The following SPRED2 variants were observed in gnomAD, a reference collection of about 807,000 sequenced individuals.
SPRED2 encodes sprouty-related, EVH1 domain-containing protein 2.
SPRED2 carries 47 observed loss-of-function variants against 43.0 expected under a neutral mutation model. That is an observed-to-expected ratio of 1.09 (90% CI 0.87 to 1.40). The LOEUF (loss-of-function observed/expected upper bound fraction) is 1.40. SPRED2 is among the 40% of genes most tolerant of loss of function. The pLI, the probability that SPRED2 is intolerant of heterozygous loss-of-function variation, is 0.00. For synonymous variants in SPRED2, 225 were observed against 225.7 expected, an observed-to-expected ratio of 1.00 and a Z score of 0.03; for missense variants, 561 against 586.4, an observed-to-expected ratio of 0.96 and a Z score of 0.45.
At chr2:65,420,564 T>C (rs1676399918) in intron 1 of SPRED2, among the ~76,000 whole-genome samples, 1 of 152,262 alleles carries the variant, frequency 6.6e-6, no homozygotes, top group Non-Finnish European at 1.5e-5. Context: ...TTTGGGTAAA[T>C]GGTTTAATAT....
chr2:65,432,288 G>T lies in SPRED2; in HGVS notation c.-301C>A. On this transcript the variant is annotated 5_prime_UTR_variant, in exon 1 of 6. Transcript: ENST00000356388. ...GGCGAGATTTGGGAAGGGGACGGCG[G>T]TGGGGGAGAGCAGGAGAAAAACAAG... is the stretch of plus-strand genomic sequence containing the variant. 2.4e-6 allele frequency: 1 copy of T among 420,944 alleles called. No homozygotes were observed. The highest frequency in any genetic ancestry group is 4.4e-6 in the Non-Finnish European group (1 of 228,184). The allele number at this position is 420,944 out of a possible 1,614,324, so 26.1% of individuals were successfully genotyped here. A position where few individuals can be genotyped will look rare whatever the true frequency, so the allele number is the denominator to read the frequency against.
In SPRED2 at chr2:65,314,046, C is replaced by T; in HGVS notation, c.712G>A (p.Gly238Ser). ...YEDYRHAPVR[G>S]KYPDPSEDAD... ...TCCTCCGAGGGGTCCGGGTACTTGCCCCTGACGGGTGCGTGCCGGTAATCC... is the reference window on the plus strand; with the variant it reads ...TCCTCCGAGGGGTCCGGGTACTTGCTCCTGACGGGTGCGTGCCGGTAATCC... Residue 238 changes from glycine (G) to serine (S), a missense_variant, in exon 6 of 6, where the codon GGC becomes AGC. Coordinates refer to ENST00000356388, the MANE Select transcript of SPRED2 (RefSeq NM_181784.3). 2 of 1,614,104 alleles carry T rather than the reference C, an allele frequency of 1.2e-6. No individual in the cohort carries two copies. The highest frequency in any genetic ancestry group is 1.7e-6 in the Non-Finnish European group (2 of 1,180,010).
chr2:65,329,834 A>T (rs1673754680), intron 4 of SPRED2, among the ~76,000 whole-genome samples: 1 of 152,194 alleles, frequency 6.6e-6, no homozygotes, highest in African/African-American at 2.4e-5. Context: ...TCGGAGCACT[A>T]TAGGAAGTCT....
At chr2:65,308,445 A>T, downstream of SPRED2, 1 of 985,476 alleles carries the variant, frequency 1.0e-6, no homozygotes, top group Non-Finnish European at 1.2e-6. Flanking sequence ...GATCAAATAG[A>T]AGTTAAGAAA....
chr2:65,418,074 C>A (rs1676329502), intron 1 of SPRED2, among the ~76,000 whole-genome samples: 1 of 152,192 alleles, frequency 6.6e-6, no homozygotes, highest in South Asian at 2.1e-4. Context: ...CTGCATTTAA[C>A]TAAAGTCAGA....
At chr2:65,328,330 T>C (rs977377012) in intron 4 of SPRED2, among the ~76,000 whole-genome samples, 26 of 152,216 alleles carry the variant, frequency 1.7e-4, no homozygotes, top group African/African-American at 6.3e-4. Flanking sequence ...GAATCTGGTA[T>C]ACTGACCATG....
At chr2:65,352,334 T>C (rs769785830) in intron 1 of SPRED2, among the ~76,000 whole-genome samples, 1 of 152,250 alleles carries the variant, frequency 6.6e-6, no homozygotes, top group Non-Finnish European at 1.5e-5. Context: ...AAAAGTGGGC[T>C]AAGATCACTT....
At chr2:65,395,728 G>A (rs1381566323) in intron 1 of SPRED2, among the ~76,000 whole-genome samples, 2 of 152,080 alleles carry the variant, frequency 1.3e-5, no homozygotes, top group African/African-American at 2.4e-5. Flanking sequence ...TAGGGGTATC[G>A]GGCACCTGGG....
intron 4 of SPRED2, among the ~76,000 whole-genome samples, chr2:65,330,502 T>C (rs145102997): frequency 3.7e-4 from 57 of 152,316 alleles, no homozygotes; most frequent in African/African-American, 1.3e-3. Context: ...AGTTTTAGTT[T>C]CACAGCAAAA....
Position 65,327,713 on chromosome 2 carries a change from C to CTTT in SPRED2, c.438+4271_438+4273dup, listed in dbSNP as rs555549300. Among the ~76,000 whole-genome samples the CTTT allele has an allele frequency of 4.0e-3, 300 of 74,338 alleles. 1 individual carries two copies. The highest frequency in any genetic ancestry group is 4.7e-3 in the African/African-American group (92 of 19,582). The allele number at this position is 74,338 out of a possible 152,430, so 48.8% of individuals were successfully genotyped here. A position where few individuals can be genotyped will look rare whatever the true frequency, so the allele number is the denominator to read the frequency against. On this transcript the variant is annotated intron_variant, in intron 4 of 5. Coordinates refer to ENST00000356388, the MANE Select transcript of SPRED2 (RefSeq NM_181784.3). ...ATCTTTGCTTTTCTTTTCTTTCTTT[C>CTTT]TTTTTTTTTTTTTTTTTTTTTTTTT...
intron 1 of SPRED2, among the ~76,000 whole-genome samples, chr2:65,377,028 T>C (rs6743445): frequency 0.1 from 15,446 of 152,228 alleles, 2,585 homozygotes; most frequent in African/African-American, 0.35. Flanking sequence ...TCTTTCCATA[T>C]TGAAACACAA....
chr2:65,372,346 G>C (rs189527739), intron 1 of SPRED2, among the ~76,000 whole-genome samples: 1 of 152,306 alleles, frequency 6.6e-6, no homozygotes, highest in African/African-American at 2.4e-5. Context: ...AATGCAGCAG[G>C]CCTGATGAGA....
At chr2:65,366,746 T>A in intron 1 of SPRED2, 1 of 1,473,812 alleles carries the variant, frequency 6.8e-7, no homozygotes, top group Middle Eastern at 1.8e-4. Flanking sequence ...TATGATTCAG[T>A]CTCCTTGACA....
chr2:65,317,787 A>G (rs1416597061), intron 4 of SPRED2, among the ~76,000 whole-genome samples: 1 of 152,038 alleles, frequency 6.6e-6, no homozygotes, highest in African/African-American at 2.4e-5. Flanking sequence ...TGGGAGCAAG[A>G]CTTGGAGGTC....
intron 1 of SPRED2, among the ~76,000 whole-genome samples, chr2:65,423,270 A>C (rs1399057369): frequency 6.6e-6 from 1 of 152,384 alleles, no homozygotes; most frequent in East Asian, 1.9e-4. Context: ...TGCTGGTAAT[A>C]AGGTATCTAG....
chr2:65,311,438 C>G lies in SPRED2; in HGVS notation c.*2063G>C, dbSNP rs1673064282. 4 of 985,728 alleles carry G rather than the reference C, an allele frequency of 4.1e-6. No homozygotes were observed. In the South Asian group the frequency reaches 1.4e-4, roughly 35 times the overall value. 61.1% of individuals were successfully genotyped at this position (985,728 alleles called of 1,614,324 possible). A position where few individuals can be genotyped will look rare whatever the true frequency, so the allele number is the denominator to read the frequency against. On this transcript the variant is annotated 3_prime_UTR_variant, in exon 6 of 6. Transcript: ENST00000356388. ...CTAAATAGAGGTGACAAACAAAAAA[C>G]AGCTGGGATATGTGCGTTCTTATTG...
intron 1 of SPRED2, among the ~76,000 whole-genome samples, chr2:65,382,732 A>T (rs1675401092): frequency 6.6e-6 from 1 of 152,212 alleles, no homozygotes; most frequent in African/African-American, 2.4e-5. Flanking sequence ...GATACTTCAC[A>T]TTCTTTTTTT....
chr2:65,401,935 G>GCACACACACA (rs544327137), intron 1 of SPRED2, among the ~76,000 whole-genome samples: 8 of 89,304 alleles, frequency 9.0e-5, no homozygotes, highest in Admixed American at 4.1e-4. Flanking sequence ...TAGCGCGCGC[G>GCACACACACA]CGCACACACA....
Position 65,313,694 on chromosome 2 carries a change from GACAT to G in SPRED2, c.1060_1063del (p.Met354ArgfsTer51). ...GTCTGTATAGTCTCCCTCGGGGTCC[GACAT>G]ACAGTGATAGAGCATGCTGTCCGCG... On this transcript the variant is annotated frameshift_variant, in exon 6 of 6. Coordinates refer to ENST00000356388, the MANE Select transcript of SPRED2 (RefSeq NM_181784.3). LOFTEE classifies it high-confidence loss of function. The G allele has an allele frequency of 6.2e-7, 1 of 1,614,156 alleles. No homozygotes were observed. Among genetic ancestry groups the G allele is most frequent in the Non-Finnish European group, 8.5e-7 (1 of 1,180,016 alleles).
Sources: allele counts gnomAD v4.1 joint callset (sites outside exome capture counted in the v4.1 genomes callset), GRCh38; gene constraint gnomAD v4.1.1; transcripts MANE v1.5; gene names NCBI Gene and HGNC (gene_info 2026-07-23, HGNC 2026-07-21).